Variants in TSPAN9 observed in about 807,000 individuals in gnomAD.
TSPAN9 encodes the protein tetraspanin 9, also known as tetraspanin-9.
A neutral mutation model predicts 31.0 loss-of-function variants in TSPAN9; 16 were observed. The observed-to-expected ratio is 0.52, with a 90% CI of 0.35 to 0.78. The LOEUF (loss-of-function observed/expected upper bound fraction) is 0.78, where lower values mean the gene tolerates loss of function less well. Among genes scored for constraint, TSPAN9 ranks in the 30% least tolerant of loss-of-function variants. The pLI is 0.01. For missense variants in TSPAN9, 272 were observed against 312.5 expected, an observed-to-expected ratio of 0.87 and a Z score of 0.98; for synonymous variants, 145 against 121.6, an observed-to-expected ratio of 1.19 and a Z score of -1.27.
chr12:3,255,696 G>A (rs1439892035), intron 3 of TSPAN9, among the ~76,000 whole-genome samples: 3 of 152,332 alleles, frequency 2.0e-5, no homozygotes, highest in Admixed American at 6.5e-5. Context: ...AGCCATAGAC[G>A]CTTTTTCTTT....
intron 3 of TSPAN9, among the ~76,000 whole-genome samples, chr12:3,257,077 G>A (rs1249658670): frequency 1.3e-5 from 2 of 152,122 alleles, no homozygotes; most frequent in Non-Finnish European, 2.9e-5. Context: ...TTAGGAGACC[G>A]CTCCCCACCA....
At chr12:3,116,205 A>G (rs980364905) in intron 2 of TSPAN9, among the ~76,000 whole-genome samples, 2 of 152,226 alleles carry the variant, frequency 1.3e-5, no homozygotes, top group African/African-American at 4.8e-5. Flanking sequence ...TCTCAAGACC[A>G]AGGCTGCTGC....
At chr12:3,104,855 T>TTGTG (rs2098313496) in intron 2 of TSPAN9, among the ~76,000 whole-genome samples, 1 of 152,126 alleles carries the variant, frequency 6.6e-6, no homozygotes, top group African/African-American at 2.4e-5. Flanking sequence ...GTTCCAAAGG[T>TTGTG]TGTGCCCTGG....
intron 2 of TSPAN9, among the ~76,000 whole-genome samples, chr12:3,134,309 T>C (rs1226341229): frequency 6.6e-6 from 1 of 152,154 alleles, no homozygotes; most frequent in Admixed American, 6.5e-5. Flanking sequence ...GTGGGAACAG[T>C]TACACAATTA....
chr12:3,230,373 T>G (rs1303831012), intron 3 of TSPAN9, among the ~76,000 whole-genome samples: 3 of 152,120 alleles, frequency 2.0e-5, no homozygotes, highest in African/African-American at 7.2e-5. Flanking sequence ...ACAGCCAGGC[T>G]TCCCCCTCCC....
At chr12:3,179,408 C>CA (rs2098357572) in intron 2 of TSPAN9, among the ~76,000 whole-genome samples, 1 of 152,154 alleles carries the variant, frequency 6.6e-6, no homozygotes, top group Non-Finnish European at 1.5e-5. Flanking sequence ...ATTTTAAGCC[C>CA]ATTCCTCTCA....
chr12:3,273,246 T>C (rs1176516474), intron 3 of TSPAN9: 1 of 152,174 alleles, frequency 6.6e-6, no homozygotes, highest in Non-Finnish European at 1.5e-5. Flanking sequence ...CATTGGCAAA[T>C]GTAAGGATGG....
At chr12:3,217,582 A>G (rs926896972) in intron 3 of TSPAN9, among the ~76,000 whole-genome samples, 2 of 152,140 alleles carry the variant, frequency 1.3e-5, no homozygotes, top group African/African-American at 4.8e-5. Context: ...ACCCCAGACC[A>G]TATTACTCCC....
chr12:3,156,245 A>G (rs945389192), intron 2 of TSPAN9, among the ~76,000 whole-genome samples: 2 of 152,130 alleles, frequency 1.3e-5, no homozygotes, highest in Admixed American at 6.5e-5. Context: ...AAGACCCGGA[A>G]GGTTGTGCAG....
At chr12:3,226,098 G>C (rs1182023832) in intron 3 of TSPAN9, among the ~76,000 whole-genome samples, 1 of 152,076 alleles carries the variant, frequency 6.6e-6, no homozygotes, top group Non-Finnish European at 1.5e-5. Flanking sequence ...CATTAGAGGG[G>C]AGACTGGGGG....
At position 3,085,260 on chromosome 12, in the gene TSPAN9, G is replaced by A. The variant is rs1457979372; in HGVS notation, c.-18+1541G>A. On this transcript the variant is annotated intron_variant, in intron 2 of 8. Coordinates refer to ENST00000011898, the MANE Select transcript of TSPAN9 (RefSeq NM_006675.5). ...AGGACTTAAGGACAAGGGAATGACC[G>A]TCCTGCTGTGCGGCATGTCCCCCAC... is the stretch of plus-strand genomic sequence containing the variant. Among the ~76,000 whole-genome samples the A allele has an allele frequency of 2.6e-5, 4 of 151,598 alleles. No homozygotes were observed. In the East Asian group the frequency reaches 5.8e-4, roughly 22 times the overall value.
intron 3 of TSPAN9, among the ~76,000 whole-genome samples, chr12:3,260,492 C>T (rs111983220): frequency 2.5e-4 from 38 of 152,306 alleles, no homozygotes; most frequent in African/African-American, 7.7e-4. Flanking sequence ...CAGAACAGGG[C>T]GAACCCTCAT....
intron 3 of TSPAN9, among the ~76,000 whole-genome samples, chr12:3,210,866 C>T (rs1381368290): frequency 6.6e-6 from 1 of 151,976 alleles, no homozygotes; most frequent in East Asian, 1.9e-4. Context: ...CCATACCAGC[C>T]TCCTGAGTAG....
At chr12:3,093,575 G>A (rs1262632178) in intron 2 of TSPAN9, among the ~76,000 whole-genome samples, 1 of 152,184 alleles carries the variant, frequency 6.6e-6, no homozygotes, top group African/African-American at 2.4e-5. Flanking sequence ...ACAGAGGGCA[G>A]ATCGAATGGA....
At position 3,103,117 on chromosome 12, in the gene TSPAN9, CTGTCGTGATGTGCAGAGTTT is replaced by C. The variant is rs1174450945; in HGVS notation, c.-18+19403_-18+19422del. Reference sequence around the variant, plus strand: ...CCAGTCAGCGTTGACCAAGTACATTCTGTCGTGATGTGCAGAGTTTTGTCCTACTTCTTAAAATGCACTCA... The same window carrying C: ...CCAGTCAGCGTTGACCAAGTACATTCTGTCCTACTTCTTAAAATGCACTCA... On this transcript the variant is annotated intron_variant, in intron 2 of 8. Coordinates refer to ENST00000011898, the MANE Select transcript of TSPAN9 (RefSeq NM_006675.5). 2.6e-5 allele frequency among the ~76,000 whole-genome samples: 4 copies of C among 152,208 alleles called. No individual in the cohort carries two copies. The East Asian group carries it at 7.7e-4, about 29-fold the overall frequency.
At chr12:3,109,197 G>A (rs149424636) in intron 2 of TSPAN9, among the ~76,000 whole-genome samples, 30,217 of 150,924 alleles carry the variant, frequency 0.2, 3,818 homozygotes, top group South Asian at 0.4. Flanking sequence ...TGGCCTCCCA[G>A]AGTGCTGGGA....
chr12:3,269,161 C>CGTTCCTGCAGCCTGCCCTCTGTGA, intron 3 of TSPAN9, among the ~76,000 whole-genome samples: 1 of 81,180 alleles, frequency 1.2e-5, no homozygotes, highest in Non-Finnish European at 2.5e-5. Flanking sequence ...GCCCTCTGTG[C>CGTTCCTGCAGCCTGCCCTCTGTGA]GTTCCTGCAG....
In TSPAN9 at chr12:3,107,921, C is replaced by T. The variant is rs897294411; in HGVS notation, c.-18+24202C>T. ...ATATTCCTGCTCCCTGGACCAACCT[C>T]GTGCTATTTATACTTTCAACTCTAT... On this transcript the variant is annotated intron_variant, in intron 2 of 8. Coordinates refer to ENST00000011898, the MANE Select transcript of TSPAN9 (RefSeq NM_006675.5). This position sits in a 1 kb window ranked among gnomAD's most constrained non-coding sequence, Gnocchi z 4.1. Among the ~76,000 whole-genome samples the T allele has an allele frequency of 2.0e-5, 3 of 152,168 alleles. No individual in the cohort carries two copies. The highest frequency in any genetic ancestry group is 2.9e-5 in the Non-Finnish European group (2 of 68,032).
At chr12:3,276,352 T>C in intron 3 of TSPAN9, among the ~76,000 whole-genome samples, 1 of 152,224 alleles carries the variant, frequency 6.6e-6, no homozygotes, top group South Asian at 2.1e-4. Flanking sequence ...GCACGTTTCC[T>C]TTACCTGCGA....
Sources: allele counts gnomAD v4.1 joint callset (sites outside exome capture counted in the v4.1 genomes callset), GRCh38; gene constraint gnomAD v4.1.1; non-coding constraint Gnocchi (gnomAD v3.1); transcripts MANE v1.5; gene names NCBI Gene and HGNC (gene_info 2026-07-23, HGNC 2026-07-21).